PBX1: variants seen among roughly 807,000 people sequenced by gnomAD.
The protein encoded by PBX1 is PBX homeobox 1, also known as pre-B-cell leukemia transcription factor 1.
PBX1 carries 6 observed loss-of-function variants against 53.4 expected under a neutral mutation model. That is an observed-to-expected ratio of 0.11 (90% CI 0.06 to 0.22). The LOEUF (loss-of-function observed/expected upper bound fraction) is 0.22, where lower values mean the gene tolerates loss of function less well. PBX1 is among the 10% of genes least tolerant of loss of function. The pLI is 1.00. For synonymous variants in PBX1, 204 were observed against 212.3 expected, an observed-to-expected ratio of 0.96 and a Z score of 0.34; for missense variants, 251 against 551.4, an observed-to-expected ratio of 0.46 and a Z score of 5.46.
At chr1:164,704,860 T>G (rs1663336990) in intron 2 of PBX1, among the ~76,000 whole-genome samples, 1 of 152,218 alleles carries the variant, frequency 6.6e-6, no homozygotes, top group African/African-American at 2.4e-5. Context: ...TGTTAGGTTT[T>G]AAGAGCATAT....
chr1:164,671,840 C>T (rs1193048559), intron 2 of PBX1, among the ~76,000 whole-genome samples: 1 of 152,078 alleles, frequency 6.6e-6, no homozygotes, highest in Non-Finnish European at 1.5e-5. Flanking sequence ...TGGTATCTGC[C>T]AGCCCAACTG....
chr1:164,736,345 A>G (rs1665269635), intron 2 of PBX1, among the ~76,000 whole-genome samples: 1 of 152,128 alleles, frequency 6.6e-6, no homozygotes, highest in Admixed American at 6.6e-5. Flanking sequence ...GGGGAACCAC[A>G]AGGCATGAGG....
chr1:164,795,328 T>TG (rs1269606941), intron 3 of PBX1, among the ~76,000 whole-genome samples: 1 of 152,210 alleles, frequency 6.6e-6, no homozygotes, highest in Admixed American at 6.5e-5. Flanking sequence ...CTTTCGACAA[T>TG]GGGGTAAGCA....
At chr1:164,605,575 C>T (rs550963607) in intron 2 of PBX1, among the ~76,000 whole-genome samples, 1 of 152,288 alleles carries the variant, frequency 6.6e-6, no homozygotes, top group South Asian at 2.1e-4. Context: ...AGGCATAATA[C>T]AACCCCGTTA....
chr1:164,570,146 C>A (rs1466552040), intron 2 of PBX1, among the ~76,000 whole-genome samples: 2 of 152,182 alleles, frequency 1.3e-5, no homozygotes, highest in African/African-American at 4.8e-5. Context: ...ATTCAACTTG[C>A]AAAGTTCCAA....
At chr1:164,704,659 A>G (rs535841589) in intron 2 of PBX1, among the ~76,000 whole-genome samples, 32 of 151,280 alleles carry the variant, frequency 2.1e-4, no homozygotes, top group African/African-American at 7.0e-4. Flanking sequence ...ATAGGACTCT[A>G]TGTACCAGAT....
chr1:164,688,792 GA>G, intron 2 of PBX1, among the ~76,000 whole-genome samples: 1 of 152,126 alleles, frequency 6.6e-6, no homozygotes, highest in Non-Finnish European at 1.5e-5. Context: ...TGTGGGCTAA[GA>G]AAAAAATAGG....
intron 2 of PBX1, among the ~76,000 whole-genome samples, chr1:164,871,973 T>C (rs1373172919): frequency 6.6e-6 from 1 of 152,162 alleles, no homozygotes; most frequent in Non-Finnish European, 1.5e-5. Flanking sequence ...TACTAGCAGA[T>C]AGCATGTGTT....
rs78029789 is a variant in PBX1, at chr1:164,840,066, C to A, written c.1201-6518C>A. Reference sequence around the variant, plus strand: ...CAGAGCAGTATTCCAATAACAAGAGCAAGTCACTTTCTCGGTCTTTAAGGA... The same window carrying A: ...CAGAGCAGTATTCCAATAACAAGAGAAAGTCACTTTCTCGGTCTTTAAGGA... On this transcript the variant is annotated intron_variant, in intron 8 of 8. Transcript: ENST00000420696. Among the ~76,000 whole-genome samples the A allele has an allele frequency of 2.3e-3, 347 of 152,232 alleles. 10 individuals are homozygous for A. In the East Asian group the frequency reaches 0.059, roughly 26 times the overall value.
chr1:164,568,696 TA>T (rs776992554), intron 2 of PBX1, among the ~76,000 whole-genome samples: 5 of 151,968 alleles, frequency 3.3e-5, no homozygotes, highest in East Asian at 3.9e-4. Flanking sequence ...TCTTTCAGGC[TA>T]AAAAAAATGT....
At chr1:164,807,292 T>G (rs1480579446) in intron 4 of PBX1, among the ~76,000 whole-genome samples, 1 of 152,126 alleles carries the variant, frequency 6.6e-6, no homozygotes, top group East Asian at 1.9e-4. Flanking sequence ...ATTTTGAAAC[T>G]TTATACTCCT....
intron 2 of PBX1, among the ~76,000 whole-genome samples, chr1:164,630,064 G>A (rs1306737795): frequency 2.0e-5 from 3 of 152,070 alleles, no homozygotes; most frequent in African/African-American, 7.2e-5. Context: ...CCAAGATAAC[G>A]TAAAATTTTT....
At chr1:164,821,388 C>T in intron 7 of PBX1, 149 bp from the exon 8 acceptor site, 1 of 658,002 alleles carries the variant, frequency 1.5e-6, no homozygotes, top group Non-Finnish European at 2.8e-6. Context: ...AAGCTAGCCT[C>T]CTCCTAATGG....
intron 8 of PBX1, among the ~76,000 whole-genome samples, chr1:164,844,460 T>A (rs1671463588): frequency 6.6e-6 from 1 of 152,158 alleles, no homozygotes; most frequent in Non-Finnish European, 1.5e-5. Flanking sequence ...CTGGTAAACA[T>A]TCACATATAA....
chr1:164,699,225 A>G (rs566218243), intron 2 of PBX1, among the ~76,000 whole-genome samples: 6 of 152,360 alleles, frequency 3.9e-5, no homozygotes, highest in South Asian at 2.1e-4. Context: ...ATTTTTTAAA[A>G]GAAGCTAGAT....
At chr1:164,755,990 C>T (rs575715512) in intron 2 of PBX1, among the ~76,000 whole-genome samples, 5 of 133,032 alleles carry the variant, frequency 3.8e-5, no homozygotes, top group South Asian at 2.5e-4. Context: ...TTGTAAAACC[C>T]GATTCAGGAA....
intron 2 of PBX1, among the ~76,000 whole-genome samples, chr1:164,750,900 T>G (rs1372807610): frequency 6.6e-6 from 1 of 152,150 alleles, no homozygotes; most frequent in Non-Finnish European, 1.5e-5. Flanking sequence ...TCAGGCCTGT[T>G]GTGTTATGTC....
intron 4 of PBX1, among the ~76,000 whole-genome samples, chr1:164,801,571 T>C (rs1331907810): frequency 6.6e-6 from 1 of 152,112 alleles, no homozygotes; most frequent in Non-Finnish European, 1.5e-5. Context: ...AATTCCAGTG[T>C]GCCCAGCTGA....
Position 164,670,517 on chromosome 1 carries a change from G to A in PBX1, c.265+107206G>A, listed in dbSNP as rs368956039. On this transcript the variant is annotated intron_variant, in intron 2 of 8. Transcript: ENST00000420696. Reference sequence around the variant, plus strand: ...ATCCACCTATAGGCACTGCTGCTACGGCCTTTCCTTGCAGACATTCTGACA... The same window carrying A: ...ATCCACCTATAGGCACTGCTGCTACAGCCTTTCCTTGCAGACATTCTGACA... 6.6e-5 allele frequency among the ~76,000 whole-genome samples: 10 copies of A among 152,236 alleles called. No individual in the cohort carries two copies. The South Asian group carries it at 8.3e-4, about 13-fold the overall frequency.
Sources: gnomAD v4.1 joint callset for allele counts (sites outside exome capture counted in the v4.1 genomes callset) on GRCh38, gnomAD v4.1.1 for gene constraint, MANE v1.5 for transcripts, NCBI Gene and HGNC (gene_info 2026-07-23, HGNC 2026-07-21) for gene names.